FOXN3: variants seen among roughly 807,000 people sequenced by gnomAD.
FOXN3 encodes the protein forkhead box protein N3.
Under a neutral mutation model 38.4 loss-of-function variants are expected in FOXN3, and 7 were observed. The ratio of observed to expected loss-of-function variants is 0.18; its 90% CI spans 0.10 to 0.34. The LOEUF (loss-of-function observed/expected upper bound fraction) is 0.34. Ranked by LOEUF, FOXN3 falls within the 10% of genes least tolerant of loss-of-function variation. FOXN3 has a pLI of 1.00. For missense variants in FOXN3, 456 were observed against 613.4 expected (o/e 0.74, Z 2.71); for synonymous variants, 230 against 242.2 (o/e 0.95, Z 0.47).
At chr14:89,360,759 TCCACCACTACCACCTCCACCACCA>T (rs1889489927) in intron 2 of FOXN3, among the ~76,000 whole-genome samples, 2 of 38,912 alleles carry the variant, frequency 5.1e-5, no homozygotes, top group African/African-American at 1.7e-4. Context: ...CACCACCACC[TCCACCACTACCACCTCCACCACCA>T]CCTCCACCAC....
chr14:89,181,825 C>T (rs1470121820), intron 4 of FOXN3, among the ~76,000 whole-genome samples: 4 of 152,222 alleles, frequency 2.6e-5, no homozygotes, highest in African/African-American at 9.6e-5. Context: ...TACCAAAAAC[C>T]CTCCCTACGT....
intron 1 of FOXN3, among the ~76,000 whole-genome samples, chr14:89,479,346 G>C (rs1289922669): frequency 6.6e-6 from 1 of 152,054 alleles, no homozygotes; most frequent in African/African-American, 2.4e-5. Flanking sequence ...CCAGGCCTTG[G>C]CACCACTGCA....
rs950743745 is a variant in FOXN3, at chr14:89,481,003, G to A, written c.-14-68513C>T. Among the ~76,000 whole-genome samples the A allele has an allele frequency of 1.1e-3, 169 of 152,144 alleles. 1 individual carries two copies. Among genetic ancestry groups the A allele is most frequent in the African/African-American group, 3.9e-3 (163 of 41,488 alleles). The stretch of plus-strand genomic sequence containing the variant: ...CACTGATTAGGAAGGCCAGGAACCA[G>A]GGGAATTGCAATACAGACTCCTAAG... On this transcript the variant is annotated intron_variant, in intron 1 of 6. Transcript: ENST00000345097.
chr14:89,429,167 A>G (rs1423515920), intron 1 of FOXN3, among the ~76,000 whole-genome samples: 1 of 152,194 alleles, frequency 6.6e-6, no homozygotes, highest in African/African-American at 2.4e-5. Context: ...CGACCTTGAA[A>G]AGTCATGCTG....
intron 2 of FOXN3, among the ~76,000 whole-genome samples, chr14:89,353,168 G>A (rs775891103): frequency 1.4e-4 from 21 of 152,252 alleles, no homozygotes; most frequent in East Asian, 5.8e-4. Flanking sequence ...AAATCACAGC[G>A]CCATGGGAAG....
rs115586036 is a variant in FOXN3, at chr14:89,291,075, C to T, written c.681-10061G>A. On this transcript the variant is annotated intron_variant, in intron 3 of 5. Coordinates refer to ENST00000557258, the MANE Select transcript of FOXN3 (RefSeq NM_005197.4). The stretch of plus-strand genomic sequence containing the variant: ...CACATATGACCTCACCCAATCCACA[C>T]GGTGTAAATCATGTTTGTAGCCCTT... 917 of 498,468 alleles carry T rather than the reference C, an allele frequency of 1.8e-3. 7 individuals are homozygous for T. The highest frequency in any genetic ancestry group is 0.017 in the African/African-American group (869 of 50,830). 30.9% of individuals were successfully genotyped at this position (498,468 alleles called of 1,614,324 possible). A position where few individuals can be genotyped will look rare whatever the true frequency, so the allele number is the denominator to read the frequency against.
intron 1 of FOXN3, among the ~76,000 whole-genome samples, chr14:89,583,617 G>C (rs1200434960): frequency 6.6e-6 from 1 of 152,162 alleles, no homozygotes; most frequent in Non-Finnish European, 1.5e-5. Flanking sequence ...GTGGAGTGCA[G>C]TGGCACCATC....
In FOXN3 at chr14:89,615,506, C is replaced by T. The variant is rs571838305; in HGVS notation, c.-15+3522G>A. Among the ~76,000 whole-genome samples, 19 of 152,172 alleles carry T rather than the reference C, an allele frequency of 1.2e-4. No homozygotes were observed. In the South Asian group the frequency reaches 3.5e-3, roughly 28 times the overall value. ...CAGGTTTGCAGAGAATGAATTGTAC[C>T]ACTCCAAAGCCCCTTTCGAAACGAA... is the stretch of plus-strand genomic sequence containing the variant. On this transcript the variant is annotated intron_variant, in intron 1 of 6. Transcript: ENST00000345097.
intron 1 of FOXN3, among the ~76,000 whole-genome samples, chr14:89,506,177 T>A (rs76922935): frequency 3.2e-5 from 1 of 30,990 alleles, no homozygotes; most frequent in African/African-American, 6.1e-5. Flanking sequence ...CCCGGCCAGC[T>A]GCCCCGTCCG....
intron 1 of FOXN3, among the ~76,000 whole-genome samples, chr14:89,528,831 A>C (rs719533): frequency 0.014 from 2,113 of 152,226 alleles, 57 homozygotes; most frequent in African/African-American, 0.048. Context: ...ACAGAGACAA[A>C]ATAGTTGTTG....
intron 2 of FOXN3, chr14:89,351,469 G>T (rs1003730607): frequency 6.6e-5 from 10 of 152,180 alleles, no homozygotes; most frequent in African/African-American, 2.4e-4. Context: ...ATTAAGAGTT[G>T]AATCTTTAGA....
intron 1 of FOXN3, among the ~76,000 whole-genome samples, chr14:89,447,534 C>T (rs1018893636): frequency 6.6e-6 from 1 of 152,150 alleles, no homozygotes; most frequent in Non-Finnish European, 1.5e-5. Context: ...CTCCCTCTGA[C>T]ATCCTCTCTG....
At chr14:89,395,819 G>A (rs558186632) in intron 2 of FOXN3, among the ~76,000 whole-genome samples, 1 of 152,088 alleles carries the variant, frequency 6.6e-6, no homozygotes. Flanking sequence ...AGGCTGGAGG[G>A]GGGGGAGTTT....
At chr14:89,215,904 T>G (rs995711410) in intron 4 of FOXN3, among the ~76,000 whole-genome samples, 4 of 152,332 alleles carry the variant, frequency 2.6e-5, no homozygotes, top group African/African-American at 4.8e-5. Context: ...CTAAAACTCT[T>G]CATCTCACCT....
At chr14:89,463,431 A>T (rs1237693006) in intron 1 of FOXN3, among the ~76,000 whole-genome samples, 1 of 152,200 alleles carries the variant, frequency 6.6e-6, no homozygotes, top group Non-Finnish European at 1.5e-5. Flanking sequence ...AATTTGGAGG[A>T]CACTTTCAAA....
chr14:89,448,761 A>G (rs1334005039), intron 1 of FOXN3, among the ~76,000 whole-genome samples: 2 of 151,858 alleles, frequency 1.3e-5, no homozygotes, highest in Non-Finnish European at 2.9e-5. Flanking sequence ...CAACATCAGG[A>G]GACCCCATCT....
chr14:89,503,680 G>A (rs1893848393), intron 1 of FOXN3, among the ~76,000 whole-genome samples: 1 of 152,148 alleles, frequency 6.6e-6, no homozygotes, highest in Non-Finnish European at 1.5e-5. Context: ...TCAGGGACTG[G>A]GCTTCTGGCA....
intron 1 of FOXN3, among the ~76,000 whole-genome samples, chr14:89,510,673 T>C (rs1349585956): frequency 6.6e-6 from 1 of 152,134 alleles, no homozygotes; most frequent in African/African-American, 2.4e-5. Flanking sequence ...CTAGGCACGG[T>C]GGCTCACACC....
intron 1 of FOXN3, among the ~76,000 whole-genome samples, chr14:89,545,808 C>T (rs1236133248): frequency 6.6e-6 from 1 of 152,144 alleles, no homozygotes; most frequent in African/African-American, 2.4e-5. Context: ...ACTGGCCACC[C>T]TTCACAAACG....
Sources: gnomAD v4.1 joint callset for allele counts (sites outside exome capture counted in the v4.1 genomes callset) on GRCh38, gnomAD v4.1.1 for gene constraint, MANE v1.5 for transcripts, NCBI Gene and HGNC (gene_info 2026-07-23, HGNC 2026-07-21) for gene names.